The following SEL1L2 variants were observed in gnomAD, a reference collection of about 807,000 sequenced individuals.
SEL1L2 encodes the protein protein sel-1 homolog 2.
A neutral mutation model predicts 98.8 loss-of-function variants in SEL1L2; 89 were observed. That is an observed-to-expected ratio of 0.90 (90% CI 0.76 to 1.07). The LOEUF (loss-of-function observed/expected upper bound fraction) is 1.07, where lower values mean the gene tolerates loss of function less well. Ranked by LOEUF, SEL1L2 falls within the 50% of genes least tolerant of loss-of-function variation. SEL1L2 has a pLI of 0.00. For synonymous variants in SEL1L2, 262 were observed against 278.5 expected, an observed-to-expected ratio of 0.94 and a Z score of 0.59; for missense variants, 788 against 812.0, an observed-to-expected ratio of 0.97 and a Z score of 0.36.
chr20:13,887,397 A>G (rs1313593657), intron 8 of SEL1L2, among the ~76,000 whole-genome samples: 1 of 152,194 alleles, frequency 6.6e-6, no homozygotes, highest in Admixed American at 6.5e-5. Flanking sequence ...TATACCTTAC[A>G]TTCATTCCTT....
At chr20:13,964,162 C>T (rs1254602133) in intron 1 of SEL1L2, among the ~76,000 whole-genome samples, 1 of 152,108 alleles carries the variant, frequency 6.6e-6, no homozygotes. Flanking sequence ...GCATGAGCCA[C>T]TGCACCCGGC....
At chr20:13,974,475 C>CTTTTTTT (rs11484437) in intron 1 of SEL1L2, among the ~76,000 whole-genome samples, 37 of 80,182 alleles carry the variant, frequency 4.6e-4, no homozygotes, top group African/African-American at 7.5e-4. Context: ...CTCTCTCTCT[C>CTTTTTTT]TTTTTTTTTT....
intron 1 of SEL1L2, among the ~76,000 whole-genome samples, chr20:13,963,117 T>C (rs1251374387): frequency 6.6e-5 from 10 of 151,176 alleles, no homozygotes; most frequent in Admixed American, 5.9e-4. Flanking sequence ...AAAAACTCTC[T>C]ATTATAGTTC....
intron 1 of SEL1L2, among the ~76,000 whole-genome samples, chr20:13,977,236 C>T (rs2148533093): frequency 6.6e-6 from 1 of 152,074 alleles, no homozygotes; most frequent in African/African-American, 2.4e-5. Flanking sequence ...TGGGTGAGAG[C>T]ACAAGAAGCA....
At chr20:13,870,456 T>C (rs2046131385) in intron 12 of SEL1L2, among the ~76,000 whole-genome samples, 1 of 152,202 alleles carries the variant, frequency 6.6e-6, no homozygotes, top group African/African-American at 2.4e-5. Context: ...ACTTGTTTTG[T>C]GTATGATTCC....
intron 1 of SEL1L2, among the ~76,000 whole-genome samples, chr20:13,983,441 A>G (rs957294920): frequency 2.0e-5 from 3 of 152,196 alleles, no homozygotes; most frequent in Admixed American, 2.0e-4. Context: ...AGAGAGAGGG[A>G]AAAAAAGTGA....
chr20:13,895,149 T>C (rs1196682274), intron 5 of SEL1L2, among the ~76,000 whole-genome samples: 1 of 152,090 alleles, frequency 6.6e-6, no homozygotes, highest in Non-Finnish European at 1.5e-5. Context: ...TTTCAACATA[T>C]AAAAGTCAAT....
chr20:13,972,207 A>G (rs1427384164), intron 1 of SEL1L2, among the ~76,000 whole-genome samples: 1 of 152,204 alleles, frequency 6.6e-6, no homozygotes, highest in Non-Finnish European at 1.5e-5. Flanking sequence ...TTTACAATTG[A>G]TTGGAAATGT....
intron 2 of SEL1L2, among the ~76,000 whole-genome samples, chr20:13,947,211 A>G (rs1408257653): frequency 6.6e-6 from 1 of 152,074 alleles, no homozygotes; most frequent in Non-Finnish European, 1.5e-5. Flanking sequence ...CCATGGACCA[A>G]TCAGCATGCA....
intron 3 of SEL1L2, among the ~76,000 whole-genome samples, chr20:13,927,105 G>A (rs552943513): frequency 1.1e-4 from 16 of 152,246 alleles, no homozygotes; most frequent in Non-Finnish European, 1.6e-4. Context: ...AATACCCTGA[G>A]GAAAAGTGAA....
At chr20:13,877,246 C>A (rs2046476932) in intron 11 of SEL1L2, among the ~76,000 whole-genome samples, 1 of 152,210 alleles carries the variant, frequency 6.6e-6, no homozygotes, top group Admixed American at 6.5e-5. Flanking sequence ...TCCCACTTAG[C>A]CGCTTCCGTG....
intron 1 of SEL1L2, among the ~76,000 whole-genome samples, chr20:13,957,652 G>A (rs974690000): frequency 3.3e-5 from 5 of 152,126 alleles, no homozygotes; most frequent in East Asian, 1.9e-4. Context: ...CAAGGTGGCC[G>A]GCTCCCTTGA....
intron 15 of SEL1L2, 43 bp from the exon 16 acceptor site, chr20:13,865,557 T>C (rs954856516): frequency 6.5e-7 from 1 of 1,538,668 alleles, no homozygotes; most frequent in Non-Finnish European, 8.9e-7. Context: ...TTAGCCAGTA[T>C]GCTTCACCCC....
chr20:13,869,896 T>C (rs2046102556), intron 13 of SEL1L2, among the ~76,000 whole-genome samples: 1 of 152,180 alleles, frequency 6.6e-6, no homozygotes, highest in Admixed American at 6.5e-5. Context: ...AGAGGATAGA[T>C]GATTTCTAAG....
At chr20:13,912,292 ATTT>A (rs11478603) in intron 5 of SEL1L2, among the ~76,000 whole-genome samples, 9 of 111,316 alleles carry the variant, frequency 8.1e-5, no homozygotes, top group Admixed American at 9.6e-5. Context: ...TTTCTGTGGG[ATTT>A]TTTTTTTTTT....
chr20:13,907,742 C>CTTTTCTTTTCT (rs111587079), intron 5 of SEL1L2, among the ~76,000 whole-genome samples: 9 of 83,600 alleles, frequency 1.1e-4, no homozygotes, highest in East Asian at 6.6e-4. Context: ...TTCTTTCTTT[C>CTTTTCTTTTCT]TTTCTTTTCT....
At chr20:13,895,773 AG>A (rs1433072021) in intron 5 of SEL1L2, among the ~76,000 whole-genome samples, 1 of 152,252 alleles carries the variant, frequency 6.6e-6, no homozygotes, top group Non-Finnish European at 1.5e-5. Flanking sequence ...AAGAAATAAA[AG>A]TTATCCAAAT....
At chr20:13,869,422 C>T (rs1600523674) in intron 14 of SEL1L2, 81 bp downstream of exon 14, 9 of 1,078,650 alleles carry the variant, frequency 8.3e-6, no homozygotes, top group East Asian at 2.4e-5. Context: ...CACACCAAAC[C>T]TTTGATGTTT....
intron 2 of SEL1L2, among the ~76,000 whole-genome samples, chr20:13,934,252 AAAT>A (rs1471503624): frequency 7.1e-6 from 1 of 141,230 alleles, no homozygotes. Context: ...ACTTCACTTA[AAAT>A]AATATTATCC....
Sources: gnomAD v4.1 joint callset for allele counts (sites outside exome capture counted in the v4.1 genomes callset) on GRCh38, gnomAD v4.1.1 for gene constraint, MANE v1.5 for transcripts, NCBI Gene and HGNC (gene_info 2026-07-23, HGNC 2026-07-21) for gene names.